STK32B: variants seen among roughly 807,000 people sequenced by gnomAD.
STK32B encodes the protein serine/threonine-protein kinase 32B.
In STK32B, 43 loss-of-function variants were observed where a neutral mutation model predicts 52.6. The observed-to-expected ratio is 0.82, with a 90% confidence interval of 0.64 to 1.05. The LOEUF (loss-of-function observed/expected upper bound fraction) is 1.05, where lower values mean the gene tolerates loss of function less well. STK32B is among the 50% of genes least tolerant of loss of function. STK32B has a pLI of 0.00. For synonymous variants in STK32B, 238 were observed against 204.3 expected (o/e 1.17, Z -1.41); for missense variants, 621 against 534.6 (o/e 1.16, Z -1.59).
In STK32B at chr4:5,274,245, A is replaced by G. The variant is rs180880997; in HGVS notation, c.261-56975A>G. The stretch of plus-strand genomic sequence containing the variant: ...TAATTTCAAGTCTTATTATAAATAC[A>G]CAGTAATCAAGACAGTGTAGTATTG... On this transcript the variant is annotated intron_variant, in intron 3 of 11. Coordinates refer to ENST00000282908, the MANE Select transcript of STK32B (RefSeq NM_018401.3). Among the ~76,000 whole-genome samples the G allele has an allele frequency of 4.3e-4, 65 of 152,322 alleles. No individual in the cohort carries two copies. In the East Asian group the frequency reaches 9.8e-3, roughly 23 times the overall value.
intron 3 of STK32B, among the ~76,000 whole-genome samples, chr4:5,280,126 G>C (rs1728097011): frequency 6.6e-6 from 1 of 152,074 alleles, no homozygotes; most frequent in Non-Finnish European, 1.5e-5. Flanking sequence ...CTACCACATG[G>C]TCAGGCTGCA....
rs1335145177 is a variant in STK32B at position 5,139,360 on chromosome 4, G to A, written c.53-545G>A. On this transcript the variant is annotated intron_variant, in intron 1 of 11. Coordinates refer to ENST00000282908, the MANE Select transcript of STK32B (RefSeq NM_018401.3). ...ATTGACACATACAGCCAAGGCTAGA[G>A]ACACCTTGGAGAGCCACTGCCAATT... Among the ~76,000 whole-genome samples, 5 of 152,276 alleles carry A rather than the reference G, an allele frequency of 3.3e-5. No individual in the cohort carries two copies. In the East Asian group the frequency reaches 7.7e-4, roughly 24 times the overall value.
intron 2 of STK32B, 24 bp downstream of exon 2, chr4:5,139,984 A>C: frequency 1.2e-6 from 2 of 1,613,922 alleles, no homozygotes; most frequent in Non-Finnish European, 1.7e-6. Flanking sequence ...TGTCTGGACC[A>C]CTGGGCTTAA....
chr4:5,176,524 A>G (rs1349171592), intron 3 of STK32B, among the ~76,000 whole-genome samples: 1 of 148,202 alleles, frequency 6.7e-6, no homozygotes, highest in Non-Finnish European at 1.5e-5. Flanking sequence ...GCTCATTGCA[A>G]CCTCCACCTC....
chr4:5,406,756 C>T (rs1737708616), intron 5 of STK32B, among the ~76,000 whole-genome samples: 1 of 152,150 alleles, frequency 6.6e-6, no homozygotes, highest in African/African-American at 2.4e-5. Flanking sequence ...GGCAGGGCAG[C>T]AGAGCCCTGG....
chr4:5,403,493 G>A (rs561916072), intron 5 of STK32B, among the ~76,000 whole-genome samples: 1 of 152,246 alleles, frequency 6.6e-6, no homozygotes, highest in Admixed American at 6.5e-5. Flanking sequence ...CATAGCCTGC[G>A]CCCTATTCTT....
intron 6 of STK32B, among the ~76,000 whole-genome samples, chr4:5,422,622 AG>A (rs1712738659): frequency 6.6e-6 from 1 of 152,194 alleles, no homozygotes; most frequent in South Asian, 2.1e-4. Context: ...ATGAAGAGCA[AG>A]GCATTGATTC....
At chr4:5,032,141 G>C in the STK32B span, among the ~76,000 whole-genome samples, 51 of 150,558 alleles carry the variant, frequency 3.4e-4, no homozygotes, top group African/African-American at 1.1e-3. Flanking sequence ...CTTGAGACTA[G>C]TAGCCAGTTA....
intron 3 of STK32B, among the ~76,000 whole-genome samples, chr4:5,276,578 C>T (rs775338355): frequency 1.3e-4 from 19 of 150,508 alleles, no homozygotes; most frequent in Non-Finnish European, 2.5e-4. Context: ...GAGAAGAAAA[C>T]CAAAGGACTG....
chr4:5,274,354 C>G (rs1214964566), intron 3 of STK32B, among the ~76,000 whole-genome samples: 2 of 152,106 alleles, frequency 1.3e-5, no homozygotes, highest in East Asian at 3.9e-4. Context: ...TTGACAATGT[C>G]TCTGCCCTCA....
At chr4:5,487,732 G>A (rs995881806) in intron 11 of STK32B, among the ~76,000 whole-genome samples, 1 of 152,134 alleles carries the variant, frequency 6.6e-6, no homozygotes, top group Non-Finnish European at 1.5e-5. Flanking sequence ...ATCGAGGAGG[G>A]GAGGAGTCTT....
chr4:5,306,472 T>G (rs1175979348), intron 3 of STK32B, among the ~76,000 whole-genome samples: 1 of 152,150 alleles, frequency 6.6e-6, no homozygotes, highest in Non-Finnish European at 1.5e-5. Context: ...CTCTTTGTCT[T>G]TTTTAACTAT....
intron 7 of STK32B, among the ~76,000 whole-genome samples, chr4:5,452,103 C>T (rs1205412311): frequency 1.3e-5 from 2 of 152,152 alleles, no homozygotes; most frequent in South Asian, 2.1e-4. Context: ...GATGTGTTCC[C>T]ATCCACATTC....
At chr4:5,061,031 G>A (rs1396963493) in intron 1 of STK32B, among the ~76,000 whole-genome samples, 1 of 152,172 alleles carries the variant, frequency 6.6e-6, no homozygotes, top group Non-Finnish European at 1.5e-5. Flanking sequence ...CTGTATCTTA[G>A]TGGCTTTGTT....
intron 3 of STK32B, among the ~76,000 whole-genome samples, chr4:5,238,915 G>A (rs761484640): frequency 6.6e-6 from 1 of 152,212 alleles, no homozygotes; most frequent in Non-Finnish European, 1.5e-5. Context: ...ATTGAGTTCT[G>A]TAACAGCAAT....
chr4:5,253,304 T>G (rs887696233), intron 3 of STK32B, among the ~76,000 whole-genome samples: 1 of 152,066 alleles, frequency 6.6e-6, no homozygotes, highest in Non-Finnish European at 1.5e-5. Context: ...AGACCAGGTG[T>G]TGTTCTTGGG....
At chr4:5,201,810 G>T (rs1485617726) in intron 3 of STK32B, among the ~76,000 whole-genome samples, 2 of 152,134 alleles carry the variant, frequency 1.3e-5, no homozygotes. Flanking sequence ...ATAGAATGGG[G>T]TAAACTGGTC....
chr4:5,323,993 A>G (rs1731706487), intron 3 of STK32B, among the ~76,000 whole-genome samples: 1 of 152,222 alleles, frequency 6.6e-6, no homozygotes, highest in African/African-American at 2.4e-5. Context: ...GTCTTGAGCT[A>G]TCGAAGGCAG....
intron 1 of STK32B, among the ~76,000 whole-genome samples, chr4:5,104,033 C>T (rs562750961): frequency 1.1e-3 from 174 of 152,140 alleles, no homozygotes; most frequent in African/African-American, 4.0e-3. Flanking sequence ...GGAAATGCCT[C>T]GAAAGTTTTA....
Sources: gnomAD v4.1 joint callset for allele counts (sites outside exome capture counted in the v4.1 genomes callset) on GRCh38, gnomAD v4.1.1 for gene constraint, MANE v1.5 for transcripts, NCBI Gene and HGNC (gene_info 2026-07-23, HGNC 2026-07-21) for gene names.